Variants in ITGAL observed in about 807,000 individuals in gnomAD.
ITGAL encodes integrin subunit alpha L, also known as integrin alpha-L.
In ITGAL, 68 loss-of-function variants were observed where a neutral mutation model predicts 138.4. The observed-to-expected ratio is 0.49, with a 90% CI of 0.40 to 0.60. ITGAL has a LOEUF of 0.60. Among genes scored for constraint, ITGAL ranks in the 20% least tolerant of loss-of-function variants. The probability of loss-of-function intolerance (pLI) is 0.00; values close to 1 mark genes in which losing one functional copy is unlikely to be tolerated. For missense variants in ITGAL, 1,256 were observed against 1,478.6 expected (o/e 0.85, Z 2.47); for synonymous variants, 561 against 584.3 (o/e 0.96, Z 0.57).
At position 30,505,511 on chromosome 16, in the gene ITGAL, AC is replaced by A. The variant is rs754130306; in HGVS notation, c.2366+55del. ...AGCCTCCCATCCACTCTGTTTTAAG[AC>A]CCCCCACTCCACTCACCAGATATGT... On this transcript the variant is annotated intron_variant, in intron 20 of 30. Transcript: ENST00000356798. 79 of 1,345,400 alleles carry A rather than the reference AC, an allele frequency of 5.9e-5. No individual in the cohort carries two copies. The South Asian group carries it at 9.0e-4, about 15-fold the overall frequency. 83.3% of individuals were successfully genotyped at this position (1,345,400 alleles called of 1,614,324 possible). A position where few individuals can be genotyped will look rare whatever the true frequency, so the allele number is the denominator to read the frequency against.
At chr16:30,517,992 T>A in intron 28 of ITGAL, 97 bp downstream of exon 28, 1 of 921,904 alleles carries the variant, frequency 1.1e-6, no homozygotes, top group Non-Finnish European at 1.8e-6. Context: ...GCCTCCATTT[T>A]TGTTTTCCAT....
intron 2 of ITGAL, 124 bp downstream of exon 2, chr16:30,474,422 C>T: frequency 1.5e-6 from 1 of 654,980 alleles, no homozygotes; most frequent in Non-Finnish European, 2.7e-6. Flanking sequence ...CAGGGGTTCC[C>T]GTCTGGAGGA....
At chr16:30,509,770 G>T (rs1597101971) in intron 21 of ITGAL, among the ~76,000 whole-genome samples, 1 of 151,998 alleles carries the variant, frequency 6.6e-6, no homozygotes, top group Non-Finnish European at 1.5e-5. Flanking sequence ...CAGGTACAGA[G>T]GCTTACACTT....
At chr16:30,502,922 C>T (rs549241374) in intron 17 of ITGAL, among the ~76,000 whole-genome samples, 1 of 151,264 alleles carries the variant, frequency 6.6e-6, no homozygotes, top group African/African-American at 2.4e-5. Context: ...TCAAGTAATT[C>T]TCCCACCACA....
chr16:30,488,978 C>A, intron 9 of ITGAL, 104 bp from the exon 10 acceptor site: 1 of 982,442 alleles, frequency 1.0e-6, no homozygotes, highest in South Asian at 1.4e-5. Context: ...TGCCTTCTAC[C>A]TTACCCAGAA....
intron 24 of ITGAL, among the ~76,000 whole-genome samples, chr16:30,511,390 C>T (rs1176433727): frequency 6.6e-6 from 1 of 152,202 alleles, no homozygotes; most frequent in African/African-American, 2.4e-5. Flanking sequence ...AATTTTATGT[C>T]AGACTGAGGG....
rs934938533 is a variant in ITGAL at position 30,504,261 on chromosome 16, G to A, written c.2232G>A (p.Arg744=). 7 of 1,610,398 alleles carry A rather than the reference G, an allele frequency of 4.3e-6. No homozygotes were observed. The African/African-American group carries it at 5.3e-5, about 12-fold the overall frequency. Residue 744 remains arginine, a synonymous_variant, in exon 18 of 31, where the codon AGG becomes AGA. Transcript: ENST00000356798. Reference sequence around the variant, plus strand: ...AGGAAGGGACACCGAGGGACCAAAGGGCGGTAAGAAGAGATGGCTAGGGAT... The same window carrying A: ...AGGAAGGGACACCGAGGGACCAAAGAGCGGTAAGAAGAGATGGCTAGGGAT... ...WEEEGTPRDQ[R]AQGKDIPPIL...
At chr16:30,473,815 G>T (rs1185483353) in intron 1 of ITGAL, 2 of 416,260 alleles carry the variant, frequency 4.8e-6, no homozygotes, top group South Asian at 1.8e-5. Context: ...CCCCATGACC[G>T]CAGGAGAAGT....
At chr16:30,474,370 C>CCGACCCT in intron 2 of ITGAL, 72 bp downstream of exon 2, 2 of 1,036,890 alleles carry the variant, frequency 1.9e-6, no homozygotes, top group East Asian at 2.6e-5. Context: ...GGCCGCCTCC[C>CCGACCCT]CGACCCTCGC....
At chr16:30,484,044 T>G in intron 8 of ITGAL, 69 bp from the exon 9 acceptor site, 1 of 1,594,704 alleles carries the variant, frequency 6.3e-7, no homozygotes, top group South Asian at 1.1e-5. Flanking sequence ...GCCAGACTCT[T>G]GTGAAAATAA....
At chr16:30,492,904 G>C (rs920435199) in intron 11 of ITGAL, among the ~76,000 whole-genome samples, 4 of 151,918 alleles carry the variant, frequency 2.6e-5, no homozygotes, top group African/African-American at 9.7e-5. Flanking sequence ...TTTTGTTAGA[G>C]ACAGGGTCTC....
chr16:30,518,088 A>G (rs545509778), intron 28 of ITGAL, among the ~76,000 whole-genome samples, 193 bp downstream of exon 28: 5 of 152,306 alleles, frequency 3.3e-5, no homozygotes, highest in Admixed American at 2.6e-4. Context: ...CCATGGGCCT[A>G]TGGATAGTTC....
At position 30,519,986 on chromosome 16, in the gene ITGAL, C is replaced by G; in HGVS notation, c.3339+19C>G. 6.5e-7 allele frequency: 1 copy of G among 1,548,850 alleles called. No individual in the cohort carries two copies. The highest frequency in any genetic ancestry group is 8.9e-7 in the Non-Finnish European group (1 of 1,127,186). ...GTACAAGGTGGGTGCCTCCGGGGGT[C>G]ACAGGCATTGCTGAGACAGCCAGGC... On this transcript the variant is annotated intron_variant, in intron 30 of 30. Transcript: ENST00000356798.
chr16:30,497,366 G>C (rs890925009), intron 15 of ITGAL, among the ~76,000 whole-genome samples: 7 of 151,976 alleles, frequency 4.6e-5, no homozygotes, highest in African/African-American at 1.7e-4. Context: ...GATTAACAGG[G>C]TGTGGTGGCT....
intron 9 of ITGAL, chr16:30,488,868 C>A (rs960975956): frequency 5.4e-6 from 3 of 557,138 alleles, no homozygotes; most frequent in Non-Finnish European, 9.9e-6. Context: ...CAGAGCAAGA[C>A]CTTGTTTCAA....
At chr16:30,490,035 T>C (rs182964441) in intron 11 of ITGAL, among the ~76,000 whole-genome samples, 6 of 152,172 alleles carry the variant, frequency 3.9e-5, no homozygotes, top group Admixed American at 2.6e-4. Flanking sequence ...GAGACCAGCC[T>C]GGCCAACATG....
At chr16:30,475,647 A>G (rs1336348484) in intron 4 of ITGAL, 67 bp downstream of exon 4, 2 of 1,281,294 alleles carry the variant, frequency 1.6e-6, no homozygotes, top group East Asian at 4.6e-5. Context: ...AGAGAAGAAA[A>G]GAAGAAGAAT....
intron 17 of ITGAL, among the ~76,000 whole-genome samples, chr16:30,503,267 C>G (rs1445598469): frequency 6.6e-6 from 1 of 152,086 alleles, no homozygotes; most frequent in African/African-American, 2.4e-5. Context: ...TCTGCCTACT[C>G]CCATTCCACC....
At chr16:30,500,874 C>T (rs928109084) in intron 17 of ITGAL, among the ~76,000 whole-genome samples, 2 of 152,110 alleles carry the variant, frequency 1.3e-5, no homozygotes, top group East Asian at 3.9e-4. Flanking sequence ...TGTGTTGGCA[C>T]ATGCCTGTGA....
Sources: gnomAD v4.1 joint callset for allele counts (sites outside exome capture counted in the v4.1 genomes callset) on GRCh38, gnomAD v4.1.1 for gene constraint, MANE v1.5 for transcripts, NCBI Gene and HGNC (gene_info 2026-07-23, HGNC 2026-07-21) for gene names.